The following FREM2 variants were observed in gnomAD, a reference collection of about 807,000 sequenced individuals.
The protein encoded by FREM2 is FRAS1-related extracellular matrix protein 2.
In FREM2, 119 loss-of-function variants were observed where a neutral mutation model predicts 219.9. The observed-to-expected ratio is 0.54, with a 90% CI of 0.47 to 0.63. FREM2 has a LOEUF of 0.63. Ranked by LOEUF, FREM2 falls within the 30% of genes least tolerant of loss-of-function variation. The pLI, the probability that FREM2 is intolerant of heterozygous loss-of-function variation, is 0.00. For synonymous variants in FREM2, 1,562 were observed against 1,522.8 expected, an observed-to-expected ratio of 1.03 and a Z score of -0.60; for missense variants, 4,030 against 3,993.6, an observed-to-expected ratio of 1.01 and a Z score of -0.25.
intron 2 of FREM2, among the ~76,000 whole-genome samples, chr13:38,716,959 A>G (rs772769860): frequency 1.3e-5 from 2 of 152,210 alleles, no homozygotes; most frequent in Non-Finnish European, 2.9e-5. Flanking sequence ...AGCTTATACT[A>G]TAAATGCTTG....
chr13:38,776,587 T>C (rs1028220705), intron 4 of FREM2, among the ~76,000 whole-genome samples: 1 of 152,184 alleles, frequency 6.6e-6, no homozygotes, highest in Non-Finnish European at 1.5e-5. Flanking sequence ...CATGGACTAA[T>C]AAAGAATGCA....
At chr13:38,843,299 G>A (rs970113439) in intron 6 of FREM2, among the ~76,000 whole-genome samples, 3 of 152,120 alleles carry the variant, frequency 2.0e-5, no homozygotes, top group Non-Finnish European at 2.9e-5. Context: ...ACAAGGCACA[G>A]TATGTATTTA....
chr13:38,687,478 C>T lies in FREM2; in HGVS notation c.134C>T (p.Pro45Leu). 1 of 1,591,310 alleles carries T rather than the reference C, an allele frequency of 6.3e-7. No individual in the cohort carries two copies. The highest frequency in any genetic ancestry group is 1.8e-5 in the Admixed American group (1 of 56,018). The change falls in exon 1 of 24, where the codon CCG becomes CTG. Residue 45 changes from proline to leucine, a missense_variant. Physicochemically the swap from Pro to Leu is moderately conservative, Grantham distance 98. Transcript: ENST00000280481. ...LLLLSLVSRV[P>L]AQPAAFGRAL... Reference sequence around the variant, plus strand: ...CTCCTGTCACTGGTAAGCCGCGTCCCGGCACAGCCCGCTGCCTTCGGCAGG... The same window carrying T: ...CTCCTGTCACTGGTAAGCCGCGTCCTGGCACAGCCCGCTGCCTTCGGCAGG...
chr13:38,758,370 G>A lies in FREM2; in HGVS notation c.5264-5934G>A, dbSNP rs931546192. Among the ~76,000 whole-genome samples, 3 of 152,128 alleles carry A rather than the reference G, an allele frequency of 2.0e-5. No individual in the cohort carries two copies. In the East Asian group the frequency reaches 5.8e-4, roughly 29 times the overall value. ...TGTCTAAATACCACCCTGTACTTAA[G>A]CCCCCATTTAAACACTATCTCTTCC... is the stretch of plus-strand genomic sequence containing the variant. On this transcript the variant is annotated intron_variant, in intron 2 of 23. Transcript: ENST00000280481.
At chr13:38,850,310 A>G (rs1229753271) in intron 9 of FREM2, 75 bp downstream of exon 9, 23 of 1,210,192 alleles carry the variant, frequency 1.9e-5, no homozygotes, top group Non-Finnish European at 2.5e-5. Flanking sequence ...TATCAGGGAA[A>G]TACAAGTTCC....
At chr13:38,698,177 G>A (rs1382486983) in intron 2 of FREM2, among the ~76,000 whole-genome samples, 3 of 152,136 alleles carry the variant, frequency 2.0e-5, no homozygotes, top group Non-Finnish European at 4.4e-5. Context: ...GCCCAAAGGA[G>A]CTGCTTTTTC....
At chr13:38,771,128 T>C (rs1873645692) in intron 4 of FREM2, among the ~76,000 whole-genome samples, 1 of 152,232 alleles carries the variant, frequency 6.6e-6, no homozygotes, top group Admixed American at 6.5e-5. Flanking sequence ...ATAAGAAAAC[T>C]GGAGCTCTGA....
At chr13:38,879,012 G>A in intron 23 of FREM2, 35 bp downstream of exon 23, 2 of 1,603,896 alleles carry the variant, frequency 1.2e-6, no homozygotes. Context: ...TAGTAGTTGT[G>A]TACCCACATG....
At chr13:38,769,390 C>T (rs957590018) in intron 3 of FREM2, among the ~76,000 whole-genome samples, 188 bp from the exon 4 acceptor site, 3 of 152,158 alleles carry the variant, frequency 2.0e-5, no homozygotes, top group Non-Finnish European at 4.4e-5. Flanking sequence ...AACAGAATCA[C>T]AAACTACCCA....
chr13:38,846,654 G>A lies in FREM2; in HGVS notation c.6101G>A (p.Gly2034Asp), dbSNP rs778531580. 6.2e-6 allele frequency: 10 copies of A among 1,613,806 alleles called. No individual in the cohort carries two copies. In the South Asian group the frequency reaches 8.8e-5, roughly 14 times the overall value. Residue 2034 changes from glycine (G) to aspartate (D), a missense_variant, in exon 7 of 24, where the codon GGC becomes GAC. Coordinates refer to ENST00000280481, the MANE Select transcript of FREM2 (RefSeq NM_207361.6). ...GYVEVQVWRTGTDLSKSSSVT... is the reference protein window; with the variant it reads ...GYVEVQVWRTDTDLSKSSSVT... ...GTGGAAGTGCAGGTGTGGAGAACGG[G>A]CACTGACCTGTCCAAGTCTTCTAGT...
intron 11 of FREM2, among the ~76,000 whole-genome samples, chr13:38,854,991 G>A (rs1370838514): frequency 2.0e-5 from 3 of 152,128 alleles, no homozygotes; most frequent in African/African-American, 7.2e-5. Flanking sequence ...CCTTTGAAAC[G>A]GTATCTTAAA....
intron 22 of FREM2, 123 bp from the exon 23 acceptor site, chr13:38,878,708 G>T: frequency 9.6e-7 from 1 of 1,037,514 alleles, no homozygotes; most frequent in Non-Finnish European, 1.5e-6. Flanking sequence ...ATCATTTTTA[G>T]TAAACCAAAT....
Position 38,872,942 on chromosome 13 carries a change from C to A in FREM2, c.8176+8C>A. 6.2e-7 allele frequency: 1 copy of A among 1,612,196 alleles called. No homozygotes were observed. The highest frequency in any genetic ancestry group is 1.1e-5 in the South Asian group (1 of 91,004). ...CAGAGGCTGAACTTCAAGGTGAGTT[C>A]AGAAGACTTGGAAAATTCTATAGTT... On this transcript the variant is annotated splice_region_variant and intron_variant, in intron 17 of 23. Coordinates refer to ENST00000280481, the MANE Select transcript of FREM2 (RefSeq NM_207361.6).
chr13:38,809,441 A>G (rs1416915590), intron 6 of FREM2, among the ~76,000 whole-genome samples: 1 of 151,814 alleles, frequency 6.6e-6, no homozygotes, highest in Non-Finnish European at 1.5e-5. Flanking sequence ...ATATTCTTGT[A>G]GTAGTTTTAT....
In FREM2 at chr13:38,851,046, C is replaced by T. The variant is rs778762322; in HGVS notation, c.6680C>T (p.Pro2227Leu). 12 of 1,613,884 alleles carry T rather than the reference C, an allele frequency of 7.4e-6. No individual in the cohort carries two copies. In the Admixed American group the frequency reaches 1.8e-4, roughly 25 times the overall value. The stretch of plus-strand genomic sequence containing the variant: ...CTCGGCACTCCACAAAGCAACTCTC[C>T]CTTTGGGGCTGCAGTTGGTGAACAA... ...LVLGTPQSNS[P>L]FGAAVGEQNE... The change falls in exon 10 of 24, where the codon CCC becomes CTC. Residue 2227 changes from proline to leucine, a missense_variant. Physicochemically the swap from Pro to Leu is moderately conservative, Grantham distance 98 (BLOSUM62 -3). Transcript: ENST00000280481.
intron 1 of FREM2, among the ~76,000 whole-genome samples, chr13:38,696,284 A>C (rs879537346): frequency 1.3e-5 from 2 of 152,240 alleles, no homozygotes; most frequent in Non-Finnish European, 2.9e-5. Context: ...GTCACCTTTC[A>C]AAACTTTATG....
intron 6 of FREM2, among the ~76,000 whole-genome samples, chr13:38,814,495 C>A (rs1393736960): frequency 1.3e-5 from 2 of 152,152 alleles, no homozygotes; most frequent in African/African-American, 2.4e-5. Flanking sequence ...CCCTTTCTTT[C>A]TGCCAAACAT....
chr13:38,701,511 A>G (rs1032324203), intron 2 of FREM2, among the ~76,000 whole-genome samples: 1 of 152,092 alleles, frequency 6.6e-6, no homozygotes. Context: ...TTTGTTAGGG[A>G]GAAATAAAAT....
At position 38,704,755 on chromosome 13, in the gene FREM2, T is replaced by A. The variant is rs144585777; in HGVS notation, c.5263+6968T>A. Among the ~76,000 whole-genome samples, 540 of 152,160 alleles carry A rather than the reference T, an allele frequency of 3.5e-3. 2 individuals carry two copies. Among genetic ancestry groups the A allele is most frequent in the African/African-American group, 0.012 (513 of 41,518 alleles). The stretch of plus-strand genomic sequence containing the variant: ...GATTGGCTAATTTGTGAAGAAAAGG[T>A]TTAATTGACCCAGTTATGCATGGCT... On this transcript the variant is annotated intron_variant, in intron 2 of 23. Coordinates refer to ENST00000280481, the MANE Select transcript of FREM2 (RefSeq NM_207361.6).
Sources: gnomAD v4.1 joint callset for allele counts (sites outside exome capture counted in the v4.1 genomes callset) on GRCh38, gnomAD v4.1.1 for gene constraint, MANE v1.5 for transcripts, NCBI Gene and HGNC (gene_info 2026-07-23, HGNC 2026-07-21) for gene names.